UTRN: variants seen among roughly 807,000 people sequenced by gnomAD.
UTRN encodes the protein dystrophin-related protein 1.
UTRN carries 283 observed loss-of-function variants against 463.9 expected under a neutral mutation model. The ratio of observed to expected loss-of-function variants is 0.61; its 90% confidence interval spans 0.55 to 0.67. The LOEUF (loss-of-function observed/expected upper bound fraction) is 0.67, where lower values mean the gene tolerates loss of function less well. Among genes scored for constraint, UTRN ranks in the 30% least tolerant of loss-of-function variants. UTRN has a pLI of 0.00. For missense variants in UTRN, 3,922 were observed against 4,084.3 expected, an observed-to-expected ratio of 0.96 and a Z score of 1.08; for synonymous variants, 1,442 against 1,431.5, an observed-to-expected ratio of 1.01 and a Z score of -0.17.
chr6:144,387,895 C>T (rs1781550151), intron 2 of UTRN, among the ~76,000 whole-genome samples: 1 of 152,128 alleles, frequency 6.6e-6, no homozygotes, highest in South Asian at 2.1e-4. Flanking sequence ...TTATTCTTAC[C>T]ATCCTCCACC....
intron 51 of UTRN, among the ~76,000 whole-genome samples, chr6:144,639,306 T>C (rs1777526437): frequency 6.6e-6 from 1 of 152,198 alleles, no homozygotes; most frequent in Non-Finnish European, 1.5e-5. Context: ...GGCCATTTTT[T>C]TCACTTTTTT....
chr6:144,452,031 C>T (rs539197375), intron 18 of UTRN, among the ~76,000 whole-genome samples: 6 of 152,228 alleles, frequency 3.9e-5, no homozygotes, highest in South Asian at 2.1e-4. Context: ...GGTGCTCATA[C>T]GTCTCCTACA....
intron 58 of UTRN, among the ~76,000 whole-genome samples, chr6:144,761,658 T>TAAC (rs1313052555): frequency 6.6e-6 from 1 of 151,564 alleles, no homozygotes; most frequent in Non-Finnish European, 1.5e-5. Flanking sequence ...TAAAAAATAA[T>TAAC]AATAATAATA....
Position 144,499,495 on chromosome 6 carries a change from G to A in UTRN, c.4764+68G>A, listed in dbSNP as rs1357954024. 5.0e-6 allele frequency: 7 copies of A among 1,388,758 alleles called. No homozygotes were observed. In the African/African-American group the frequency reaches 5.8e-5, roughly 11 times the overall value. The allele number at this position is 1,388,758 out of a possible 1,614,324, so 86.0% of individuals were successfully genotyped here. ...AACATGGCATTTGTTCGGGCGACCT[G>A]GTTGGATACCATGTCCCTCCATTTT... On this transcript the variant is annotated intron_variant, in intron 34 of 74. Coordinates refer to ENST00000367545, the MANE Select transcript of UTRN (RefSeq NM_007124.3).
At chr6:144,574,250 CT>C (rs1377155018) in intron 50 of UTRN, among the ~76,000 whole-genome samples, 2 of 152,118 alleles carry the variant, frequency 1.3e-5, no homozygotes, top group African/African-American at 4.8e-5. Flanking sequence ...GAAATTTGAA[CT>C]GATTCTGCAG....
intron 50 of UTRN, among the ~76,000 whole-genome samples, chr6:144,565,120 T>C (rs1800288488): frequency 6.6e-6 from 1 of 152,180 alleles, no homozygotes; most frequent in Non-Finnish European, 1.5e-5. Flanking sequence ...AGATTTGCGA[T>C]ATGCCTTGGA....
At chr6:144,560,487 C>G (rs1465476900) in intron 50 of UTRN, among the ~76,000 whole-genome samples, 1 of 152,098 alleles carries the variant, frequency 6.6e-6, no homozygotes, top group African/African-American at 2.4e-5. Context: ...TGCTGAGAGG[C>G]CTTTTTACCA....
At chr6:144,586,609 T>C (rs1802492160) in intron 51 of UTRN, among the ~76,000 whole-genome samples, 1 of 152,184 alleles carries the variant, frequency 6.6e-6, no homozygotes, top group African/African-American at 2.4e-5. Flanking sequence ...TGGGGTGTTT[T>C]ATATCATGAA....
chr6:144,787,730 C>T (rs1036881980), intron 61 of UTRN, among the ~76,000 whole-genome samples: 11 of 152,008 alleles, frequency 7.2e-5, no homozygotes, highest in African/African-American at 1.7e-4. Context: ...ATTAAAGTTA[C>T]GTGATACAAA....
chr6:144,559,478 A>AT (rs1043997439), intron 50 of UTRN, among the ~76,000 whole-genome samples: 17 of 152,248 alleles, frequency 1.1e-4, no homozygotes, highest in Admixed American at 7.2e-4. Context: ...GAACTTTACA[A>AT]TTTTTAACTA....
At position 144,832,107 on chromosome 6, in the gene UTRN, C is replaced by CAA. The variant is rs1484847254; in HGVS notation, c.9665+3253_9665+3254dup. On this transcript the variant is annotated intron_variant, in intron 69 of 74. Coordinates refer to ENST00000367545, the MANE Select transcript of UTRN (RefSeq NM_007124.3). ...TTTTGCAACATTTTCTATTTTAGCCCAAGACATACGATTGATGTTTAATGT... is the reference window on the plus strand; with the variant it reads ...TTTTGCAACATTTTCTATTTTAGCCCAAAAGACATACGATTGATGTTTAATGT... Among the ~76,000 whole-genome samples, 77 of 152,034 alleles carry CAA rather than the reference C, an allele frequency of 5.1e-4. 1 individual carries two copies. The highest frequency in any genetic ancestry group is 5.0e-3 in the Admixed American group (76 of 15,258).
intron 2 of UTRN, among the ~76,000 whole-genome samples, chr6:144,312,907 A>T (rs1775029973): frequency 6.6e-6 from 1 of 152,226 alleles, no homozygotes; most frequent in South Asian, 2.1e-4. Flanking sequence ...CAAATGTATT[A>T]GTTACAGAGA....
intron 51 of UTRN, among the ~76,000 whole-genome samples, chr6:144,602,353 G>C (rs1804344930): frequency 6.6e-6 from 1 of 151,536 alleles, no homozygotes; most frequent in African/African-American, 2.4e-5. Context: ...TGGCCAGGCT[G>C]GTCTTAAACT....
At chr6:144,378,161 G>A (rs1244361594) in intron 2 of UTRN, among the ~76,000 whole-genome samples, 1 of 152,188 alleles carries the variant, frequency 6.6e-6, no homozygotes, top group Middle Eastern at 3.2e-3. Flanking sequence ...GGATCATCTT[G>A]ATGATGATGG....
At chr6:144,811,903 A>G (rs1416340180) in intron 65 of UTRN, among the ~76,000 whole-genome samples, 1 of 152,202 alleles carries the variant, frequency 6.6e-6, no homozygotes, top group African/African-American at 2.4e-5. Flanking sequence ...GCACTTGTGC[A>G]TGATCCAAAT....
At chr6:144,448,517 CAAAG>C (rs1787923199) in intron 16 of UTRN, 79 bp from the exon 17 acceptor site, 3 of 1,482,110 alleles carry the variant, frequency 2.0e-6, no homozygotes, top group East Asian at 2.3e-5. Context: ...TTGTGTATTT[CAAAG>C]AAAGAATTTT....
rs1803652080 is a variant in UTRN, at chr6:144,286,306, G to C, written c.-93+485G>C. 6.6e-6 allele frequency among the ~76,000 whole-genome samples: 1 copy of C among 152,174 alleles called. No homozygotes were observed. On this transcript the variant is annotated intron_variant, in intron 1 of 74. Transcript: ENST00000367545. The surrounding 1 kb of genome is among the most constrained non-coding windows in gnomAD (Gnocchi z 4.4). ...GGCTCCGGCGGTGTCCACAGGAGAG[G>C]GTGGGCAGAGGGTGGCTGTGTGGTC...
intron 43 of UTRN, among the ~76,000 whole-genome samples, chr6:144,536,865 T>A (rs1450213964): frequency 6.6e-6 from 1 of 152,074 alleles, no homozygotes; most frequent in Non-Finnish European, 1.5e-5. Flanking sequence ...TTCTTATAAA[T>A]GTTATTCTTA....
rs181185158 is a variant in UTRN at position 144,364,532 on chromosome 6, T to A, written c.80-38591T>A. 5.8e-4 allele frequency among the ~76,000 whole-genome samples: 89 copies of A among 152,352 alleles called. 1 individual carries two copies. Among genetic ancestry groups the A allele is most frequent in the African/African-American group, 1.9e-3 (81 of 41,578 alleles). ...TCTCCCCACTTCGCGTTTTTACTTC[T>A]GATTTTCTGTTTCCCAATTTGTGAT... is the stretch of plus-strand genomic sequence containing the variant. On this transcript the variant is annotated intron_variant, in intron 2 of 74. Transcript: ENST00000367545.
Sources: gnomAD v4.1 joint callset for allele counts (sites outside exome capture counted in the v4.1 genomes callset) on GRCh38, gnomAD v4.1.1 for gene constraint, Gnocchi (gnomAD v3.1) non-coding constraint, MANE v1.5 for transcripts, NCBI Gene and HGNC (gene_info 2026-07-23, HGNC 2026-07-21) for gene names.